TOX3: variants seen among roughly 807,000 people sequenced by gnomAD.
TOX3 encodes TOX high mobility group box family member 3, also known as CAG trinucleotide repeat-containing gene F9 protein.
In TOX3, 22 loss-of-function variants were observed where a neutral mutation model predicts 64.3. The observed-to-expected ratio is 0.34, with a 90% CI of 0.24 to 0.49. The LOEUF (loss-of-function observed/expected upper bound fraction) is 0.49, where lower values mean the gene tolerates loss of function less well. Ranked by LOEUF, TOX3 falls within the 20% of genes least tolerant of loss-of-function variation. The pLI, the probability that TOX3 is intolerant of heterozygous loss-of-function variation, is 0.99. For missense variants in TOX3, 661 were observed against 714.4 expected, an observed-to-expected ratio of 0.93 and a Z score of 0.85; for synonymous variants, 291 against 273.6, an observed-to-expected ratio of 1.06 and a Z score of -0.63.
rs113476679 is a variant in TOX3 at position 52,544,451 on chromosome 16, G to A, written c.87+2186C>T. Reference sequence around the variant, plus strand: ...AGATAGTTATATTTTTACTTGCAAGGAAGTCAATACAAAGATCCCTTACAA... The same window carrying A: ...AGATAGTTATATTTTTACTTGCAAGAAAGTCAATACAAAGATCCCTTACAA... On this transcript the variant is annotated intron_variant, in intron 1 of 6. Transcript: ENST00000219746. Among the ~76,000 whole-genome samples, 1,145 of 152,282 alleles carry A rather than the reference G, an allele frequency of 7.5e-3. 5 individuals carry two copies. Among genetic ancestry groups the A allele is most frequent in the Non-Finnish European group, 0.013 (874 of 68,000 alleles).
intron 1 of TOX3, 49 bp from the exon 2 acceptor site, chr16:52,468,623 T>G (rs762403567): frequency 7.0e-7 from 1 of 1,434,842 alleles, no homozygotes; most frequent in East Asian, 2.3e-5. Context: ...TAATAAAGCA[T>G]TCTGGCTGTG....
intron 1 of TOX3, among the ~76,000 whole-genome samples, chr16:52,494,282 G>A (rs530126672): frequency 1.3e-5 from 2 of 152,184 alleles, no homozygotes; most frequent in African/African-American, 4.8e-5. Flanking sequence ...CTCACTTTGG[G>A]GCCAAAGCAG....
At chr16:52,542,643 T>A (rs1446095643) in intron 1 of TOX3, among the ~76,000 whole-genome samples, 1 of 152,184 alleles carries the variant, frequency 6.6e-6, no homozygotes, top group African/African-American at 2.4e-5. Context: ...TAACTTGCTG[T>A]CCCAAGAGAC....
chr16:52,546,600 GC>G (rs1963194763), intron 1 of TOX3, 36 bp downstream of exon 1: 9 of 1,520,404 alleles, frequency 5.9e-6, no homozygotes, highest in African/African-American at 2.8e-5. Flanking sequence ...TGGGGAGGTG[GC>G]CCCCGCCCCC....
intron 6 of TOX3, among the ~76,000 whole-genome samples, chr16:52,440,342 G>C (rs1959927671): frequency 6.6e-6 from 1 of 152,150 alleles, no homozygotes; most frequent in African/African-American, 2.4e-5. Context: ...ATGTGAATGA[G>C]TCCAGCCCCC....
intron 1 of TOX3, among the ~76,000 whole-genome samples, chr16:52,536,216 G>T (rs1030462421): frequency 6.6e-6 from 1 of 152,070 alleles, no homozygotes; most frequent in African/African-American, 2.4e-5. Context: ...GAATAATCAA[G>T]AAATTCAAAT....
chr16:52,510,778 A>AAAAAAAAAAAAAAAAAAAAG (rs574634087), intron 1 of TOX3, among the ~76,000 whole-genome samples: 1 of 115,142 alleles, frequency 8.7e-6, no homozygotes, highest in Non-Finnish European at 1.7e-5. Context: ...AAAAAAAAAA[A>AAAAAAAAAAAAAAAAAAAAG]AAGAAGAAGA....
At chr16:52,478,850 A>T (rs1410347757) in intron 1 of TOX3, among the ~76,000 whole-genome samples, 6 of 152,178 alleles carry the variant, frequency 3.9e-5, no homozygotes, top group African/African-American at 1.4e-4. Context: ...CCAAGAAAGG[A>T]TGTCATACAG....
Position 52,439,034 on chromosome 16 carries a change from T to C in TOX3, c.*191A>G. Reference sequence around the variant, plus strand: ...TCTTGTTTAAAAACAAAGTGATTTATAGTCAGCTAAAAGATGTTACTCAGC... The same window carrying C: ...TCTTGTTTAAAAACAAAGTGATTTACAGTCAGCTAAAAGATGTTACTCAGC... On this transcript the variant is annotated 3_prime_UTR_variant, in exon 7 of 7. Coordinates refer to ENST00000219746, the MANE Select transcript of TOX3 (RefSeq NM_001080430.4). 1 of 830,390 alleles carries C rather than the reference T, an allele frequency of 1.2e-6. No homozygotes were observed. The allele number at this position is 830,390 out of a possible 1,614,324, so 51.4% of individuals were successfully genotyped here. A position where few individuals can be genotyped will look rare whatever the true frequency, so the allele number is the denominator to read the frequency against.
chr16:52,471,354 T>G (rs1368567028), intron 1 of TOX3, among the ~76,000 whole-genome samples: 2 of 152,204 alleles, frequency 1.3e-5, no homozygotes, highest in East Asian at 3.9e-4. Flanking sequence ...TGAATCCTGC[T>G]TTAGTCATTT....
intron 3 of TOX3, among the ~76,000 whole-genome samples, chr16:52,453,204 G>C (rs1041271906): frequency 8.6e-6 from 1 of 116,580 alleles, no homozygotes; most frequent in Non-Finnish European, 1.8e-5. Context: ...TTTTTTTTTA[G>C]ATGGAGTCTC....
rs549833907 is a variant in TOX3, at chr16:52,546,490, T to C, written c.87+147A>G. The C allele has an allele frequency of 1.1e-5, 8 of 712,526 alleles. No homozygotes were observed. The South Asian group carries it at 1.8e-4, about 16-fold the overall frequency. 44.1% of individuals were successfully genotyped at this position (712,526 alleles called of 1,614,324 possible). On this transcript the variant is annotated intron_variant, in intron 1 of 6. Transcript: ENST00000219746. ...GGGCAGAAAGAGAAGCGGGGAGAGC[T>C]GGACAGAGACGAAGGCTCAAAGGTA...
intron 1 of TOX3, among the ~76,000 whole-genome samples, chr16:52,536,400 A>G (rs1391872380): frequency 6.6e-6 from 1 of 151,526 alleles, no homozygotes; most frequent in African/African-American, 2.4e-5. Context: ...ACATTTGGGG[A>G]GAGGGCTCTA....
At chr16:52,514,939 A>G (rs1962409117) in intron 1 of TOX3, among the ~76,000 whole-genome samples, 1 of 126,946 alleles carries the variant, frequency 7.9e-6, no homozygotes, top group Admixed American at 9.8e-5. Flanking sequence ...TGAACCCGGG[A>G]GGTGGAGGTT....
At chr16:52,448,440 G>C (rs1358967341) in intron 4 of TOX3, among the ~76,000 whole-genome samples, 1 of 152,132 alleles carries the variant, frequency 6.6e-6, no homozygotes, top group Non-Finnish European at 1.5e-5. Flanking sequence ...TAATGGCTAA[G>C]CTGTTACCTA....
intron 6 of TOX3, among the ~76,000 whole-genome samples, chr16:52,440,739 T>C (rs958334690): frequency 8.1e-4 from 116 of 143,604 alleles, no homozygotes; most frequent in African/African-American, 2.8e-3. Flanking sequence ...TTATATGGTA[T>C]TTTTCTTTCT....
At chr16:52,495,017 G>A (rs576267439) in intron 1 of TOX3, among the ~76,000 whole-genome samples, 75 of 152,218 alleles carry the variant, frequency 4.9e-4, no homozygotes, top group African/African-American at 1.6e-3. Flanking sequence ...GGGTGAAAGC[G>A]GCATCGGTTC....
chr16:52,450,008 G>T (rs76710611), intron 4 of TOX3, among the ~76,000 whole-genome samples: 1 of 152,210 alleles, frequency 6.6e-6, no homozygotes, highest in Non-Finnish European at 1.5e-5. Context: ...TCCTTTTGCA[G>T]ATTAGAAAAA....
intron 1 of TOX3, among the ~76,000 whole-genome samples, chr16:52,530,969 T>C (rs1246160255): frequency 2.0e-5 from 3 of 152,200 alleles, no homozygotes; most frequent in Non-Finnish European, 2.9e-5. Flanking sequence ...GTTTAAACTA[T>C]GAAGAAAGGC....
Sources: allele counts gnomAD v4.1 joint callset (sites outside exome capture counted in the v4.1 genomes callset), GRCh38; gene constraint gnomAD v4.1.1; transcripts MANE v1.5; gene names NCBI Gene and HGNC (gene_info 2026-07-23, HGNC 2026-07-21).